Variants in SPEF2 observed in about 807,000 individuals in gnomAD.
The protein encoded by SPEF2 is sperm flagella and cilia-associated protein 2.
SPEF2 carries 187 observed loss-of-function variants against 224.6 expected under a neutral mutation model. The observed-to-expected ratio is 0.83, with a 90% confidence interval of 0.74 to 0.94. SPEF2 has a LOEUF of 0.94. SPEF2 is among the 40% of genes least tolerant of loss of function. The pLI, the probability that SPEF2 is intolerant of heterozygous loss-of-function variation, is 0.00. For missense variants in SPEF2, 2,170 were observed against 2,135.6 expected (o/e 1.02, Z -0.32); for synonymous variants, 715 against 707.3 (o/e 1.01, Z -0.17).
intron 23 of SPEF2, among the ~76,000 whole-genome samples, chr5:35,750,999 A>ACG (rs2149717927): frequency 2.3e-5 from 1 of 43,922 alleles, no homozygotes; most frequent in African/African-American, 6.6e-5. Flanking sequence ...ATATATATGT[A>ACG]TATATATATA....
At chr5:35,689,586 TGTAA>T (rs1177432542) in intron 10 of SPEF2, among the ~76,000 whole-genome samples, 2 of 152,106 alleles carry the variant, frequency 1.3e-5, no homozygotes, top group Non-Finnish European at 2.9e-5. Context: ...AGCTCTCACT[TGTAA>T]GTGAGAATGC....
chr5:35,740,323 G>T (rs1747398362), intron 23 of SPEF2, 56 bp downstream of exon 23: 4 of 1,597,196 alleles, frequency 2.5e-6, no homozygotes, highest in Non-Finnish European at 3.4e-6. Context: ...ATCTTGTCCT[G>T]CAAAACCCCA....
At chr5:35,661,785 C>A (rs1749781936) in intron 8 of SPEF2, among the ~76,000 whole-genome samples, 1 of 152,122 alleles carries the variant, frequency 6.6e-6, no homozygotes, top group African/African-American at 2.4e-5. Flanking sequence ...CATATTATTC[C>A]ATGGTGTATA....
chr5:35,710,214 C>A, intron 19 of SPEF2: 2 of 984,818 alleles, frequency 2.0e-6, no homozygotes, highest in South Asian at 9.4e-5. Flanking sequence ...AATTAAAAAA[C>A]AATTCAGAGG....
intron 10 of SPEF2, chr5:35,671,194 A>T (rs1751180079): frequency 2.0e-6 from 2 of 985,352 alleles, no homozygotes; most frequent in Non-Finnish European, 2.4e-6. Flanking sequence ...TACTCAACAA[A>T]GGTTTGTGGG....
intron 32 of SPEF2, among the ~76,000 whole-genome samples, chr5:35,795,493 A>C (rs1467674357): frequency 6.6e-6 from 1 of 152,218 alleles, no homozygotes; most frequent in Non-Finnish European, 1.5e-5. Context: ...GAACATAATC[A>C]AAGATGTAAA....
At chr5:35,732,840 T>G (rs548659676) in intron 21 of SPEF2, among the ~76,000 whole-genome samples, 2 of 152,186 alleles carry the variant, frequency 1.3e-5, no homozygotes, top group Non-Finnish European at 2.9e-5. Flanking sequence ...ATGAGGTATT[T>G]TGAGTAAGAG....
At chr5:35,653,744 A>C (rs2149435030) in intron 6 of SPEF2, among the ~76,000 whole-genome samples, 1 of 152,198 alleles carries the variant, frequency 6.6e-6, no homozygotes, top group East Asian at 1.9e-4. Flanking sequence ...CAGGAGTTCG[A>C]GACCAGCCTG....
chr5:35,764,780 C>T, intron 26 of SPEF2: 2 of 452,770 alleles, frequency 4.4e-6, no homozygotes, highest in Non-Finnish European at 8.9e-6. Flanking sequence ...CCTTCTCATA[C>T]AAGCAGCCTG....
intron 3 of SPEF2, among the ~76,000 whole-genome samples, chr5:35,643,963 G>T (rs1211438354): frequency 1.3e-5 from 2 of 152,072 alleles, no homozygotes; most frequent in African/African-American, 2.4e-5. Flanking sequence ...TTACTAAGGA[G>T]TGGCTAAGCA....
chr5:35,791,148 A>C (rs1755894612), intron 30 of SPEF2: 1 of 152,226 alleles, frequency 6.6e-6, no homozygotes, highest in Admixed American at 6.5e-5. Context: ...ATAGGATCTT[A>C]TAAACCTCAG....
At chr5:35,636,994 AAAAAG>A (rs1229600103) in intron 2 of SPEF2, among the ~76,000 whole-genome samples, 31 of 151,564 alleles carry the variant, frequency 2.0e-4, no homozygotes, top group African/African-American at 6.8e-4. Flanking sequence ...AAAAAAAAGA[AAAAAG>A]AAAAGAAAAG....
intron 22 of SPEF2, 29 bp from the exon 23 acceptor site, chr5:35,740,100 A>G (rs1275644364): frequency 6.2e-7 from 1 of 1,613,986 alleles, no homozygotes; most frequent in African/African-American, 1.3e-5. Context: ...TGACATATAA[A>G]ATTTATCTCA....
intron 10 of SPEF2, among the ~76,000 whole-genome samples, chr5:35,676,248 T>G (rs1185990260): frequency 6.6e-6 from 1 of 152,106 alleles, no homozygotes; most frequent in Non-Finnish European, 1.5e-5. Context: ...CTCCCTCCTC[T>G]GTGAGACCAG....
chr5:35,646,788 A>G lies in SPEF2; in HGVS notation c.707A>G (p.Lys236Arg). 4 of 1,613,878 alleles carry G rather than the reference A, an allele frequency of 2.5e-6. No homozygotes were observed. Among genetic ancestry groups the G allele is most frequent in the Non-Finnish European group, 3.4e-6 (4 of 1,179,870 alleles). ...GCACTCGAGGCCCAAAAAATGATGA[A>G]AAAGAAAAAAGAGGCAGAAGTAAGT... is the stretch of plus-strand genomic sequence containing the variant. ...LKALEAQKMM[K>R]KKKEAEDVAD... The change falls in exon 5 of 37, where the codon AAA (lysine) becomes AGA (arginine). Residue 236 changes from lysine to arginine, a missense_variant. By Grantham distance (26) the Lys-to-Arg change is conservative. Transcript: ENST00000356031.
chr5:35,778,510 C>T (rs1260927920), intron 29 of SPEF2, among the ~76,000 whole-genome samples: 1 of 152,154 alleles, frequency 6.6e-6, no homozygotes, highest in Non-Finnish European at 1.5e-5. Flanking sequence ...TGCTGCTTTA[C>T]CATGTTATCT....
chr5:35,651,766 A>G (rs1748218853), intron 6 of SPEF2, among the ~76,000 whole-genome samples: 2 of 152,152 alleles, frequency 1.3e-5, no homozygotes, highest in African/African-American at 4.8e-5. Context: ...TGCCTTTTTC[A>G]TAGCCTGCTC....
intron 23 of SPEF2, among the ~76,000 whole-genome samples, chr5:35,740,888 G>A (rs564792021): frequency 6.6e-6 from 1 of 151,994 alleles, no homozygotes; most frequent in Non-Finnish European, 1.5e-5. Flanking sequence ...ATTTTAAATT[G>A]ACACACCCCC....
Position 35,740,203 on chromosome 5 carries a change from A to T in SPEF2, c.3266A>T (p.Asn1089Ile). 6.2e-7 allele frequency: 1 copy of T among 1,613,976 alleles called. No homozygotes were observed. Among genetic ancestry groups the T allele is most frequent in the Non-Finnish European group, 8.5e-7 (1 of 1,179,988 alleles). ...GTAGCTCAATGGCAGGCTGATTTCA[A>T]CTCCCTTCCTGATGACCTGTGGGAT... is the stretch of plus-strand genomic sequence containing the variant. ...DFVAQWQADF[N>I]SLPDDLWDDE... The change falls in exon 23 of 37, where the codon AAC becomes ATC. Residue 1089 changes from asparagine to isoleucine, a missense_variant. Physicochemically the swap from Asn to Ile is moderately radical, Grantham distance 149. Transcript: ENST00000356031.
Sources: gnomAD v4.1 joint callset for allele counts (sites outside exome capture counted in the v4.1 genomes callset) on GRCh38, gnomAD v4.1.1 for gene constraint, MANE v1.5 for transcripts, NCBI Gene and HGNC (gene_info 2026-07-23, HGNC 2026-07-21) for gene names.